Variants in CXCL13 observed in about 807,000 individuals in gnomAD.
CXCL13 encodes C-X-C motif chemokine ligand 13.
A neutral mutation model predicts 12.2 loss-of-function variants in CXCL13; 7 were observed. That is an observed-to-expected ratio of 0.57 (90% confidence interval 0.33 to 1.07). The LOEUF is 1.07. Among genes scored for constraint, CXCL13 ranks in the 50% least tolerant of loss-of-function variants. The probability of loss-of-function intolerance (pLI) is 0.04; values close to 1 mark genes in which losing one functional copy is unlikely to be tolerated. For missense variants in CXCL13, 113 were observed against 127.4 expected (o/e 0.89, Z 0.55); for synonymous variants, 47 against 42.4 (o/e 1.11, Z -0.42).
intron 2 of CXCL13, 135 bp from the exon 3 acceptor site, chr4:77,610,479 C>T: frequency 1.5e-6 from 1 of 673,984 alleles, no homozygotes; most frequent in Non-Finnish European, 2.5e-6. Context: ...TCACCTATTC[C>T]AGATCCCAAA....
chr4:77,573,399 TG>T (rs1726137507), intron 1 of CXCL13, among the ~76,000 whole-genome samples: 1 of 150,760 alleles, frequency 6.6e-6, no homozygotes, highest in South Asian at 2.1e-4. Context: ...TGTGTGTGTG[TG>T]TGTGTGTGTG....
At chr4:77,524,898 C>T (rs977676392) in intron 1 of CXCL13, among the ~76,000 whole-genome samples, 2 of 152,190 alleles carry the variant, frequency 1.3e-5, no homozygotes, top group Admixed American at 6.5e-5. Context: ...CTCAATCATA[C>T]ACAAATATTT....
rs542704742 is a variant in CXCL13, at chr4:77,564,057, G to A, written c.-42-41767G>A. ...TGAAATTCTTAATAATTGTGAACAA[G>A]ACACCCCACATTTTTATTTTGCACC... On this transcript the variant is annotated intron_variant, in intron 1 of 4. Transcript: ENST00000286758. Among the ~76,000 whole-genome samples, 10 of 152,272 alleles carry A rather than the reference G, an allele frequency of 6.6e-5. No individual in the cohort carries two copies. The East Asian group carries it at 1.9e-3, about 29-fold the overall frequency.
At chr4:77,531,128 A>T (rs28784978) in intron 1 of CXCL13, among the ~76,000 whole-genome samples, 26,777 of 146,914 alleles carry the variant, frequency 0.18, 2,847 homozygotes, top group South Asian at 0.3. Flanking sequence ...TATTATTATT[A>T]TTATCATTAT....
At chr4:77,522,939 A>T (rs997673307) in intron 1 of CXCL13, among the ~76,000 whole-genome samples, 1 of 152,134 alleles carries the variant, frequency 6.6e-6, no homozygotes, top group Non-Finnish European at 1.5e-5. Flanking sequence ...GCTTATCTGT[A>T]AAGGATTTTA....
At chr4:77,582,358 G>A (rs1424988184) in intron 1 of CXCL13, among the ~76,000 whole-genome samples, 4 of 152,166 alleles carry the variant, frequency 2.6e-5, no homozygotes, top group African/African-American at 7.2e-5. Context: ...TGATTCTTAA[G>A]AGACCATGCA....
intron 1 of CXCL13, among the ~76,000 whole-genome samples, chr4:77,522,399 T>G (rs753148998): frequency 6.6e-6 from 1 of 152,008 alleles, no homozygotes; most frequent in African/African-American, 2.4e-5. Flanking sequence ...ATTTGGGATA[T>G]TTAGCTCTTC....
chr4:77,527,048 G>T (rs1486487273), intron 1 of CXCL13, among the ~76,000 whole-genome samples: 1 of 151,958 alleles, frequency 6.6e-6, no homozygotes, highest in East Asian at 1.9e-4. Flanking sequence ...TGAGAGAGTG[G>T]GAAAATAGAC....
intron 1 of CXCL13, among the ~76,000 whole-genome samples, chr4:77,599,115 A>G (rs1726833407): frequency 6.6e-6 from 1 of 152,146 alleles, no homozygotes; most frequent in Non-Finnish European, 1.5e-5. Context: ...GGCCAGCCCC[A>G]ACACTATTAC....
At chr4:77,559,253 G>A (rs142284254) in intron 1 of CXCL13, among the ~76,000 whole-genome samples, 2 of 152,308 alleles carry the variant, frequency 1.3e-5, no homozygotes, top group East Asian at 3.9e-4. Context: ...GAAGAAAGGG[G>A]ACTGAGGGGA....
intron 1 of CXCL13, among the ~76,000 whole-genome samples, chr4:77,575,864 C>T (rs1696696115): frequency 1.3e-5 from 2 of 151,846 alleles, no homozygotes; most frequent in African/African-American, 2.4e-5. Context: ...AAAATATTAA[C>T]ATATATTCCA....
intron 1 of CXCL13, among the ~76,000 whole-genome samples, chr4:77,578,551 C>A (rs1053610388): frequency 3.3e-5 from 5 of 152,320 alleles, no homozygotes; most frequent in Middle Eastern, 3.4e-3. Context: ...ACGAGAATTT[C>A]ATGCCTTCTG....
intron 1 of CXCL13, among the ~76,000 whole-genome samples, chr4:77,565,240 AT>A (rs1357973239): frequency 6.6e-6 from 1 of 152,210 alleles, no homozygotes; most frequent in Non-Finnish European, 1.5e-5. Context: ...AAAATACACT[AT>A]AAAAACCATT....
In CXCL13 at chr4:77,548,616, C is replaced by G. The variant is rs147573678; in HGVS notation, c.-43+36828C>G. ...AGTGAGTACTAACCGAATTCCTCGG[C>G]TGGTACTAGAAAATAATCTTTTCGT... On this transcript the variant is annotated intron_variant, in intron 1 of 4. Coordinates refer to the CXCL13 transcript ENST00000286758. Among the ~76,000 whole-genome samples, 664 of 152,324 alleles carry G rather than the reference C, an allele frequency of 4.4e-3. 17 individuals are homozygous for G. The highest frequency in any genetic ancestry group is 0.027 in the East Asian group (140 of 5,192).
At chr4:77,579,273 C>T (rs1168528206) in intron 1 of CXCL13, among the ~76,000 whole-genome samples, 1 of 152,284 alleles carries the variant, frequency 6.6e-6, no homozygotes, top group East Asian at 1.9e-4. Flanking sequence ...TGCTTGCTTT[C>T]CCCCCAACCC....
chr4:77,536,766 A>G (rs913214499), intron 1 of CXCL13, among the ~76,000 whole-genome samples: 17 of 152,224 alleles, frequency 1.1e-4, no homozygotes, highest in Admixed American at 1.3e-4. Flanking sequence ...GAAAAATAGC[A>G]ATAGCTGATT....
chr4:77,610,385 G>A lies in CXCL13; in HGVS notation c.198-229G>A, dbSNP rs545790257. ...CTAACCTCTGACATGTGAGGCCCTC[G>A]CAGCTTTGGATTCAACCCCACCAGC... On this transcript the variant is annotated intron_variant, in intron 2 of 3. Transcript: ENST00000682537. Among the ~76,000 whole-genome samples the A allele has an allele frequency of 3.3e-5, 5 of 152,112 alleles. No homozygotes were observed. The South Asian group carries it at 8.3e-4, about 25-fold the overall frequency.
intron 1 of CXCL13, among the ~76,000 whole-genome samples, chr4:77,565,637 A>G (rs1264629325): frequency 1.3e-5 from 2 of 152,156 alleles, no homozygotes; most frequent in African/African-American, 2.4e-5. Context: ...TCCTGCAGCA[A>G]CCAACAATTA....
chr4:77,525,181 A>G (rs1724731377), intron 1 of CXCL13, among the ~76,000 whole-genome samples: 1 of 152,224 alleles, frequency 6.6e-6, no homozygotes, highest in Non-Finnish European at 1.5e-5. Context: ...TGGACTTCCC[A>G]GCCTCCAGAA....
Sources: gnomAD v4.1 joint callset for allele counts (sites outside exome capture counted in the v4.1 genomes callset) on GRCh38, gnomAD v4.1.1 for gene constraint, MANE v1.5 for transcripts, NCBI Gene and HGNC (gene_info 2026-07-23, HGNC 2026-07-21) for gene names.